Variants in RPS6KA1 observed in about 807,000 individuals in gnomAD.
RPS6KA1 encodes the protein ribosomal protein S6 kinase A1, also known as ribosomal protein S6 kinase alpha-1.
In RPS6KA1, 48 loss-of-function variants were observed where a neutral mutation model predicts 91.3. The ratio of observed to expected loss-of-function variants is 0.53; its 90% CI spans 0.42 to 0.67. The LOEUF is 0.67. RPS6KA1 is among the 30% of genes least tolerant of loss of function. The pLI is 0.00. For missense variants in RPS6KA1, 719 were observed against 960.5 expected, an observed-to-expected ratio of 0.75 and a Z score of 3.32; for synonymous variants, 359 against 384.7, an observed-to-expected ratio of 0.93 and a Z score of 0.78.
At position 26,555,070 on chromosome 1, in the gene RPS6KA1, G is replaced by A; in HGVS notation, c.757-81G>A. On this transcript the variant is annotated intron_variant, in intron 9 of 21. Coordinates refer to ENST00000374168, the MANE Select transcript of RPS6KA1 (RefSeq NM_002953.4). The surrounding 1 kb of genome is among the most constrained non-coding windows in gnomAD (Gnocchi z 4.3). ...TATCAGCAAGAATCCTGGGACTGGG[G>A]CAGAGGGGTCTGACTGGGAGGAGGC... 2 of 1,361,176 alleles carry A rather than the reference G, an allele frequency of 1.5e-6. No individual in the cohort carries two copies. The highest frequency in any genetic ancestry group is 1.8e-5 in the Admixed American group (1 of 56,478). The allele number at this position is 1,361,176 out of a possible 1,614,324, so 84.3% of individuals were successfully genotyped here. A position where few individuals can be genotyped will look rare whatever the true frequency, so the allele number is the denominator to read the frequency against.
At chr1:26,572,026 G>C (rs1196041534) in intron 19 of RPS6KA1, 101 bp downstream of exon 19, 4 of 1,380,172 alleles carry the variant, frequency 2.9e-6, no homozygotes, top group Admixed American at 3.6e-5. Context: ...CCCCGCCCCA[G>C]GATGGTCTGG....
Position 26,546,917 on chromosome 1 carries a change from C to A in RPS6KA1, c.159C>A (p.Gly53=), listed in dbSNP as rs1342590304. 5.0e-6 allele frequency: 8 copies of A among 1,614,044 alleles called. No individual in the cohort carries two copies. Among genetic ancestry groups the A allele is most frequent in the African/African-American group, 1.3e-5 (1 of 74,926 alleles). The change falls in exon 3 of 22, where the codon GGC becomes GGA. Residue 53 remains glycine, a synonymous_variant. Coordinates refer to ENST00000374168, the MANE Select transcript of RPS6KA1 (RefSeq NM_002953.4). ...CCATCACGCACCACGTCAAGGCTGG[C>A]TCTGAGAAGGCTGATCCATCCCATT... is the stretch of plus-strand genomic sequence containing the variant. ...EISITHHVKA[G]SEKADPSHFE...
rs139636945 is a variant in RPS6KA1, at chr1:26,535,403, T to G, written c.64-1522T>G. 2.0e-3 allele frequency among the ~76,000 whole-genome samples: 298 copies of G among 152,092 alleles called. 1 individual carries two copies. Among genetic ancestry groups the G allele is most frequent in the African/African-American group, 6.6e-3 (272 of 41,474 alleles). ...GCTACAGCTGCCCCATGGACCCAGC[T>G]CCTGGCTCCAAAGTCCAGATCCAGA... is the stretch of plus-strand genomic sequence containing the variant. On this transcript the variant is annotated intron_variant, in intron 1 of 21. Transcript: ENST00000374168.
rs2076126488 is a variant in RPS6KA1 at position 26,558,678 on chromosome 1, C to G, written c.1085-129C>G. ...GGCCAAGGCCTGTGATGGACAGGCCCTCTGCAGGCTCCCGCCACGGCCAGC... is the reference window on the plus strand; with the variant it reads ...GGCCAAGGCCTGTGATGGACAGGCCGTCTGCAGGCTCCCGCCACGGCCAGC... On this transcript the variant is annotated intron_variant, in intron 13 of 21. Coordinates refer to ENST00000374168, the MANE Select transcript of RPS6KA1 (RefSeq NM_002953.4). The surrounding 1 kb of genome is among the most constrained non-coding windows in gnomAD (Gnocchi z 4.0). 9.3e-7 allele frequency: 1 copy of G among 1,075,530 alleles called. No individual in the cohort carries two copies. The allele number at this position is 1,075,530 out of a possible 1,614,324, so 66.6% of individuals were successfully genotyped here.
At position 26,571,379 on chromosome 1, in the gene RPS6KA1, C is replaced by A. The variant is rs2076247256; in HGVS notation, c.1591-70C>A. The A allele has an allele frequency of 1.3e-6, 2 of 1,490,502 alleles. No homozygotes were observed. Among genetic ancestry groups the A allele is most frequent in the South Asian group, 1.2e-5 (1 of 85,478 alleles). The allele number at this position is 1,490,502 out of a possible 1,614,324, so 92.3% of individuals were successfully genotyped here. Reference sequence around the variant, plus strand: ...CACCCTGTCTGTGTAGCTTTCTAATCTCTGGCCGCTGACCTGGGCCACTAG... The same window carrying A: ...CACCCTGTCTGTGTAGCTTTCTAATATCTGGCCGCTGACCTGGGCCACTAG... On this transcript the variant is annotated intron_variant, in intron 17 of 21. Transcript: ENST00000374168. The surrounding 1 kb of genome is among the most constrained non-coding windows in gnomAD (Gnocchi z 5.1).
chr1:26,550,940 C>T (rs560227749), intron 4 of RPS6KA1, among the ~76,000 whole-genome samples: 4 of 152,224 alleles, frequency 2.6e-5, no homozygotes, highest in African/African-American at 9.6e-5. Flanking sequence ...ATCCAGCTCA[C>T]CAGGTAGCCG....
At chr1:26,537,483 C>G (rs1477264415) in intron 2 of RPS6KA1, among the ~76,000 whole-genome samples, 1 of 152,216 alleles carries the variant, frequency 6.6e-6, no homozygotes, top group African/African-American at 2.4e-5. Context: ...GTCATTCCCT[C>G]ACCCCTGCTA....
Position 26,558,766 on chromosome 1 carries a change from A to T in RPS6KA1, c.1085-41A>T. On this transcript the variant is annotated intron_variant, in intron 13 of 21. Coordinates refer to ENST00000374168, the MANE Select transcript of RPS6KA1 (RefSeq NM_002953.4). The surrounding 1 kb of genome is among the most constrained non-coding windows in gnomAD (Gnocchi z 4.0). ...GCTGGGCTGCCTCAGGGTCGAGGGG[A>T]CCTCCTCAGGTACCCTCACATTCTC... The T allele has an allele frequency of 1.3e-6, 2 of 1,571,284 alleles. No homozygotes were observed. The highest frequency in any genetic ancestry group is 1.7e-6 in the Non-Finnish European group (2 of 1,149,292).
At chr1:26,553,828 A>G in intron 7 of RPS6KA1, 1 of 258,062 alleles carries the variant, frequency 3.9e-6, no homozygotes, top group Non-Finnish European at 7.4e-6. Flanking sequence ...AATGATAACT[A>G]AGGAGCCAGG....
rs921410175 is a variant in RPS6KA1 at position 26,571,321 on chromosome 1, C to G, written c.1591-128C>G. Reference sequence around the variant, plus strand: ...CATCATTTCAGCCCCTTCCCCTTCTCTCGGATGCCAAGTCCATGCACCCGT... The same window carrying G: ...CATCATTTCAGCCCCTTCCCCTTCTGTCGGATGCCAAGTCCATGCACCCGT... On this transcript the variant is annotated intron_variant, in intron 17 of 21. Coordinates refer to ENST00000374168, the MANE Select transcript of RPS6KA1 (RefSeq NM_002953.4). The surrounding 1 kb of genome is among the most constrained non-coding windows in gnomAD (Gnocchi z 5.1). 12 of 820,012 alleles carry G rather than the reference C, an allele frequency of 1.5e-5. No individual in the cohort carries two copies. The highest frequency in any genetic ancestry group is 2.2e-5 in the Non-Finnish European group (11 of 509,616). The allele number at this position is 820,012 out of a possible 1,614,324, so 50.8% of individuals were successfully genotyped here.
chr1:26,543,765 G>A (rs765103486), intron 2 of RPS6KA1, among the ~76,000 whole-genome samples: 2 of 152,300 alleles, frequency 1.3e-5, no homozygotes, highest in African/African-American at 4.8e-5. Flanking sequence ...GCAGGGAGGC[G>A]CCTGGGTCCA....
intron 1 of RPS6KA1, among the ~76,000 whole-genome samples, chr1:26,535,410 T>C (rs2075898998): frequency 6.6e-6 from 1 of 151,982 alleles, no homozygotes; most frequent in Non-Finnish European, 1.5e-5. Flanking sequence ...AGCTCCTGGC[T>C]CCAAAGTCCA....
chr1:26,565,543 T>TTTTTCTTTTCTTTTC (rs57066833), intron 17 of RPS6KA1, among the ~76,000 whole-genome samples: 2,285 of 148,058 alleles, frequency 0.015, 45 homozygotes, highest in African/African-American at 0.039. Flanking sequence ...TGAATTTATT[T>TTTTTCTTTTCTTTTC]TTTTCTTTTC....
At chr1:26,545,091 G>A (rs1021208941) in intron 2 of RPS6KA1, among the ~76,000 whole-genome samples, 1 of 151,986 alleles carries the variant, frequency 6.6e-6, no homozygotes, top group Admixed American at 6.6e-5. Context: ...CCTGTTGGGT[G>A]CGTGTCCTTA....
rs761881147 is a variant in RPS6KA1 at position 26,551,693 on chromosome 1, T to TG, written c.442dup (p.Asp148GlyfsTer23). 1 of 1,614,114 alleles carries TG rather than the reference T, an allele frequency of 6.2e-7. No homozygotes were observed. The highest frequency in any genetic ancestry group is 1.1e-5 in the South Asian group (1 of 91,068). ...ATCTCATTCTGGACTTCCTGCGTGG[T>TG]GGGGACCTCTTCACCCGGCTCTCAA... On this transcript the variant is annotated frameshift_variant, in exon 6 of 22. Transcript: ENST00000374168. LOFTEE classifies it high-confidence loss of function. This position sits in a 1 kb window ranked among gnomAD's most constrained non-coding sequence, Gnocchi z 4.5.
rs1414401259 is a variant in RPS6KA1, at chr1:26,574,425, T to C, written c.*224T>C. On this transcript the variant is annotated 3_prime_UTR_variant, in exon 22 of 22. Transcript: ENST00000374168. The surrounding 1 kb of genome is among the most constrained non-coding windows in gnomAD (Gnocchi z 4.3). ...TCTGCTGGTGGAAAGCGATTCACTG[T>C]ATAAACTTTTTTTTATGAAAAAAAT... 5.3e-6 allele frequency: 4 copies of C among 753,820 alleles called. No individual in the cohort carries two copies. Among genetic ancestry groups the C allele is most frequent in the South Asian group, 1.4e-5 (1 of 72,608 alleles). 46.7% of individuals were successfully genotyped at this position (753,820 alleles called of 1,614,324 possible).
At chr1:26,545,598 T>A (rs974058975) in intron 2 of RPS6KA1, among the ~76,000 whole-genome samples, 8 of 152,180 alleles carry the variant, frequency 5.3e-5, no homozygotes, top group Non-Finnish European at 8.8e-5. Flanking sequence ...CTCTCTGCTG[T>A]TGGGTACCAG....
At position 26,558,770 on chromosome 1, in the gene RPS6KA1, C is replaced by T. The variant is rs762926084; in HGVS notation, c.1085-37C>T. ...GGCTGCCTCAGGGTCGAGGGGACCT[C>T]CTCAGGTACCCTCACATTCTCCTTC... On this transcript the variant is annotated intron_variant, in intron 13 of 21. Transcript: ENST00000374168. The surrounding 1 kb of genome is among the most constrained non-coding windows in gnomAD (Gnocchi z 4.0). The T allele has an allele frequency of 2.5e-5, 40 of 1,578,856 alleles. No individual in the cohort carries two copies. The highest frequency in any genetic ancestry group is 3.4e-5 in the Non-Finnish European group (39 of 1,153,936).
chr1:26,540,915 G>T lies in RPS6KA1; in HGVS notation c.108+3946G>T, dbSNP rs1184478941. 6.6e-6 allele frequency among the ~76,000 whole-genome samples: 1 copy of T among 152,080 alleles called. No individual in the cohort carries two copies. Among genetic ancestry groups the T allele is most frequent in the Non-Finnish European group, 1.5e-5 (1 of 68,000 alleles). On this transcript the variant is annotated intron_variant, in intron 2 of 21. Transcript: ENST00000374168. This position sits in a 1 kb window ranked among gnomAD's most constrained non-coding sequence, Gnocchi z 4.2. ...AAGCGATTCTCCTGCCTCAGCCTCC[G>T]TAGTAGCTGGGATTGCAGGCATATG...
Sources: allele counts gnomAD v4.1 joint callset (sites outside exome capture counted in the v4.1 genomes callset), GRCh38; gene constraint gnomAD v4.1.1; non-coding constraint Gnocchi (gnomAD v3.1); transcripts MANE v1.5; gene names NCBI Gene and HGNC (gene_info 2026-07-23, HGNC 2026-07-21).